Variants in RAVER1 observed in about 807,000 individuals in gnomAD.
RAVER1 encodes ribonucleoprotein PTB-binding 1.
RAVER1 carries 36 observed loss-of-function variants against 68.4 expected under a neutral mutation model. The observed-to-expected ratio is 0.53, with a 90% CI of 0.40 to 0.70. The LOEUF (loss-of-function observed/expected upper bound fraction) is 0.70, where lower values mean the gene tolerates loss of function less well. Ranked by LOEUF, RAVER1 falls within the 30% of genes least tolerant of loss-of-function variation. The probability of loss-of-function intolerance (pLI) is 0.00; values close to 1 mark genes in which losing one functional copy is unlikely to be tolerated. For synonymous variants in RAVER1, 469 were observed against 472.7 expected (o/e 0.99, Z 0.10); for missense variants, 933 against 1,019.8 (o/e 0.91, Z 1.16).
chr19:10,329,719 C>G lies in RAVER1; in HGVS notation c.287-608G>C, dbSNP rs556264728. Among the ~76,000 whole-genome samples, 31 of 152,306 alleles carry G rather than the reference C, an allele frequency of 2.0e-4. No homozygotes were observed. Among genetic ancestry groups the G allele is most frequent in the Non-Finnish European group, 2.2e-4 (15 of 68,028 alleles). On this transcript the variant is annotated intron_variant, in intron 2 of 12. Coordinates refer to ENST00000617231, the MANE Select transcript of RAVER1 (RefSeq NM_133452.3). This position sits in a 1 kb window ranked among gnomAD's most constrained non-coding sequence, Gnocchi z 4.6. ...CCCAGATTTGCGATCCACCCAGCGGCCGCAGGAAGCTTTGTTCAAAACGAT... is the reference window on the plus strand; with the variant it reads ...CCCAGATTTGCGATCCACCCAGCGGGCGCAGGAAGCTTTGTTCAAAACGAT...
At chr19:10,321,674 A>C in intron 6 of RAVER1, 56 bp from the exon 7 acceptor site, 1 of 1,331,144 alleles carries the variant, frequency 7.5e-7, no homozygotes, top group Admixed American at 3.0e-5. Context: ...AGGGAAGCAG[A>C]CAGGTGTGGC....
rs2040431744 is a variant in RAVER1 at position 10,320,895 on chromosome 19, C to T, written c.1530G>A (p.Leu510=). Residue 510 remains leucine (L), a synonymous_variant, in exon 9 of 13, where the codon CTG becomes CTA. Transcript: ENST00000617231. The stretch of plus-strand genomic sequence containing the variant: ...TGGCCGGGAGCAGGCTGTGTAGGTT[C>T]AGGTAGGGATTCAGGGGAATCCGGT... ...KDYRIPLNPY[L]NLHSLLPASN... The T allele has an allele frequency of 6.6e-7, 1 of 1,513,218 alleles. No homozygotes were observed. Among genetic ancestry groups the T allele is most frequent in the Non-Finnish European group, 8.8e-7 (1 of 1,136,590 alleles). 93.7% of individuals were successfully genotyped at this position (1,513,218 alleles called of 1,614,324 possible).
At position 10,328,644 on chromosome 19, in the gene RAVER1, G is replaced by A. The variant is rs1459810329; in HGVS notation, c.754C>T (p.Gln252Ter). 1 of 1,552,342 alleles carries A rather than the reference G, an allele frequency of 6.4e-7. No individual in the cohort carries two copies. Among genetic ancestry groups the A allele is most frequent in the Non-Finnish European group, 8.7e-7 (1 of 1,147,174 alleles). The change falls in exon 3 of 13, where the codon CAG becomes TAG. Residue 252 changes from glutamine to a stop codon, truncating the protein, a stop_gained and splice_region_variant. Coordinates refer to ENST00000617231, the MANE Select transcript of RAVER1 (RefSeq NM_133452.3). LOFTEE classifies it high-confidence loss of function. This position sits in a 1 kb window ranked among gnomAD's most constrained non-coding sequence, Gnocchi z 4.4. ...LSAVHSPTFC[Q>*]LACGQDGQLK... Reference sequence around the variant, plus strand: ...CCAATGCTCTCCACAGGGCTCACCTGGCAGAAGGTGGGGCTGTGGACAGCT... The same window carrying A: ...CCAATGCTCTCCACAGGGCTCACCTAGCAGAAGGTGGGGCTGTGGACAGCT...
rs144800844 is a variant in RAVER1 at position 10,329,474 on chromosome 19, G to A, written c.287-363C>T. 6.6e-6 allele frequency among the ~76,000 whole-genome samples: 1 copy of A among 152,130 alleles called. No individual in the cohort carries two copies. Among genetic ancestry groups the A allele is most frequent in the Non-Finnish European group, 1.5e-5 (1 of 68,028 alleles). On this transcript the variant is annotated intron_variant, in intron 2 of 12. Transcript: ENST00000617231. The surrounding 1 kb of genome is among the most constrained non-coding windows in gnomAD (Gnocchi z 4.6). ...GCCCCAAGCCCCAGGTGGCTTTGGG[G>A]GTATCAGTTTCCTCATCTCTCAAAT... is the stretch of plus-strand genomic sequence containing the variant.
intron 3 of RAVER1, among the ~76,000 whole-genome samples, chr19:10,324,392 TG>T (rs1472274335): frequency 1.3e-5 from 2 of 152,060 alleles, no homozygotes; most frequent in African/African-American, 4.8e-5. Flanking sequence ...TGTTTTGTTT[TG>T]TTTTTTTTGA....
At position 10,328,560 on chromosome 19, in the gene RAVER1, A is replaced by AT; in HGVS notation, c.756+81_756+82insA. 1 of 963,930 alleles carries AT rather than the reference A, an allele frequency of 1.0e-6. No individual in the cohort carries two copies. The highest frequency in any genetic ancestry group is 1.5e-6 in the Non-Finnish European group (1 of 660,910). 59.7% of individuals were successfully genotyped at this position (963,930 alleles called of 1,614,324 possible). A position where few individuals can be genotyped will look rare whatever the true frequency, so the allele number is the denominator to read the frequency against. Reference sequence around the variant, plus strand: ...AAGTGAGACTGTCTCAAAAAAAAAAAAGAAAAGGCAGATGACTCCAAAGAC... The same window carrying AT: ...AAGTGAGACTGTCTCAAAAAAAAAAATAGAAAAGGCAGATGACTCCAAAGAC... On this transcript the variant is annotated intron_variant, in intron 3 of 12. Transcript: ENST00000617231. This position sits in a 1 kb window ranked among gnomAD's most constrained non-coding sequence, Gnocchi z 4.4.
At position 10,332,912 on chromosome 19, in the gene RAVER1, C is replaced by G. The variant is rs368822571; in HGVS notation, c.219+377G>C. ...CTTCTGGATGTGAGGTCCCGCCACCCTGTGGTAGAGTGGGTGGAGAAAAGC... is the reference window on the plus strand; with the variant it reads ...CTTCTGGATGTGAGGTCCCGCCACCGTGTGGTAGAGTGGGTGGAGAAAAGC... On this transcript the variant is annotated intron_variant, in intron 1 of 12. Transcript: ENST00000617231. Among the ~76,000 whole-genome samples the G allele has an allele frequency of 5.3e-5, 8 of 152,302 alleles. No homozygotes were observed. The East Asian group carries it at 1.5e-3, about 29-fold the overall frequency.
chr19:10,319,335 TC>T, intron 9 of RAVER1, 95 bp from the exon 10 acceptor site: 1 of 1,247,662 alleles, frequency 8.0e-7, no homozygotes, highest in Non-Finnish European at 1.1e-6. Flanking sequence ...GGGAAGACAG[TC>T]CCCACCACTC....
intron 1 of RAVER1, among the ~76,000 whole-genome samples, chr19:10,332,426 C>G (rs948660629): frequency 3.3e-5 from 5 of 152,158 alleles, no homozygotes; most frequent in Non-Finnish European, 7.4e-5. Context: ...CAGAAAGAAA[C>G]CTGACCATCC....
At chr19:10,320,424 A>G (rs1358064849) in intron 9 of RAVER1, among the ~76,000 whole-genome samples, 1 of 149,964 alleles carries the variant, frequency 6.7e-6, no homozygotes, top group Non-Finnish European at 1.5e-5. Context: ...GGATCGCTTG[A>G]GCCCAAGAGG....
rs1436749925 is a variant in RAVER1, at chr19:10,328,829, T to C, written c.569A>G (p.Lys190Arg). The change falls in exon 3 of 13, where the codon AAG becomes AGG. Residue 190 changes from lysine to arginine, a missense_variant. Physicochemically the swap from Lys to Arg is conservative, Grantham distance 26. Coordinates refer to ENST00000617231, the MANE Select transcript of RAVER1 (RefSeq NM_133452.3). The surrounding 1 kb of genome is among the most constrained non-coding windows in gnomAD (Gnocchi z 4.4). Reference protein sequence around the residue: ...YMKKDSAARAKSDLLGKPLGP... With the variant: ...YMKKDSAARARSDLLGKPLGP... ...CAGCGGCTTGCCCAGCAGGTCCGAC[T>C]TGGCACGGGCAGCCGAGTCCTTCTT... The C allele has an allele frequency of 6.2e-7, 1 of 1,612,898 alleles. No homozygotes were observed. The highest frequency in any genetic ancestry group is 2.2e-5 in the East Asian group (1 of 44,890).
In RAVER1 at chr19:10,333,338, T is replaced by C. The variant is rs968691073; in HGVS notation, c.170A>G (p.Asn57Ser). 1.9e-6 allele frequency: 3 copies of C among 1,613,150 alleles called. No homozygotes were observed. The highest frequency in any genetic ancestry group is 1.3e-5 in the African/African-American group (1 of 74,894). The change falls in exon 1 of 13, where the codon AAC (asparagine) becomes AGC (serine). Residue 57 changes from asparagine (N) to serine (S), a missense_variant. Transcript: ENST00000617231. The surrounding 1 kb of genome is among the most constrained non-coding windows in gnomAD (Gnocchi z 4.2). ...RLEHTERQFR[N>S]RRKILIRGLP... ...GCCCCGGATCAGTATCTTGCGGCGG[T>C]TACGGAACTGGCGCTCGGTGTGTTC...
rs1022022610 is a variant in RAVER1 at position 10,317,835 on chromosome 19, GC to G, written c.1990-63del. ...GGGGGCCAGAGGAAGCACCCACCCC[GC>G]CCCCCTGCCACTGCCCCCCAGCCCT... is the stretch of plus-strand genomic sequence containing the variant. On this transcript the variant is annotated intron_variant, in intron 11 of 12. Coordinates refer to ENST00000617231, the MANE Select transcript of RAVER1 (RefSeq NM_133452.3). This position sits in a 1 kb window ranked among gnomAD's most constrained non-coding sequence, Gnocchi z 4.3. 9 of 938,254 alleles carry G rather than the reference GC, an allele frequency of 9.6e-6. No homozygotes were observed. The highest frequency in any genetic ancestry group is 1.5e-5 in the Non-Finnish European group (9 of 594,910). 58.1% of individuals were successfully genotyped at this position (938,254 alleles called of 1,614,324 possible). A position where few individuals can be genotyped will look rare whatever the true frequency, so the allele number is the denominator to read the frequency against.
intron 3 of RAVER1, among the ~76,000 whole-genome samples, chr19:10,325,542 A>G (rs999756480): frequency 6.6e-6 from 1 of 151,560 alleles, no homozygotes; most frequent in Non-Finnish European, 1.5e-5. Context: ...GGGTTTTACC[A>G]TGTTGGCCAG....
intron 7 of RAVER1, 106 bp downstream of exon 7, chr19:10,321,425 G>T: frequency 2.0e-6 from 2 of 1,015,388 alleles, no homozygotes; most frequent in Non-Finnish European, 1.3e-6. Flanking sequence ...CCAACTGATG[G>T]ACAAGGGCGC....
In RAVER1 at chr19:10,322,392, G is replaced by A; in HGVS notation, c.1173+253C>T. On this transcript the variant is annotated intron_variant, in intron 6 of 12. Coordinates refer to ENST00000617231, the MANE Select transcript of RAVER1 (RefSeq NM_133452.3). The surrounding 1 kb of genome is among the most constrained non-coding windows in gnomAD (Gnocchi z 4.3). Reference sequence around the variant, plus strand: ...GTAAATGGGCGTGTCCAGGTCCCCTGACCCCACCCCAGGCACCAAGTCCAG... The same window carrying A: ...GTAAATGGGCGTGTCCAGGTCCCCTAACCCCACCCCAGGCACCAAGTCCAG... 2.1e-6 allele frequency: 1 copy of A among 475,960 alleles called. No individual in the cohort carries two copies. The highest frequency in any genetic ancestry group is 3.2e-5 in the South Asian group (1 of 30,846). The allele number at this position is 475,960 out of a possible 1,614,324, so 29.5% of individuals were successfully genotyped here. A position where few individuals can be genotyped will look rare whatever the true frequency, so the allele number is the denominator to read the frequency against.
In RAVER1 at chr19:10,321,057, C is replaced by G; in HGVS notation, c.1464G>C (p.Thr488=). The G allele has an allele frequency of 7.2e-7, 1 of 1,381,920 alleles. No individual in the cohort carries two copies. The highest frequency in any genetic ancestry group is 9.4e-7 in the Non-Finnish European group (1 of 1,068,940). 85.6% of individuals were successfully genotyped at this position (1,381,920 alleles called of 1,614,324 possible). Residue 488 remains threonine (T), a synonymous_variant, in exon 8 of 13, where the codon ACG becomes ACC. Coordinates refer to ENST00000617231, the MANE Select transcript of RAVER1 (RefSeq NM_133452.3). Reference sequence around the variant, plus strand: ...CAGGGCAGGGCCTTACCCCAGGGGGCGTCGGCAGAGGCCCACTGTCTTTCT... The same window carrying G: ...CAGGGCAGGGCCTTACCCCAGGGGGGGTCGGCAGAGGCCCACTGTCTTTCT... The part of the protein sequence containing the change: ...GLQKDSGPLP[T]PPGVSLLGEP...
At position 10,320,545 on chromosome 19, in the gene RAVER1, G is replaced by A. The variant is rs1217742242; in HGVS notation, c.1770+110C>T. ...AAAAAGCAGAGACCATATCTGGCAC[G>A]TTCCCTGCCGCCTCCCTAGCACATG... is the stretch of plus-strand genomic sequence containing the variant. On this transcript the variant is annotated intron_variant, in intron 9 of 12. Coordinates refer to ENST00000617231, the MANE Select transcript of RAVER1 (RefSeq NM_133452.3). The A allele has an allele frequency of 1.1e-5, 9 of 812,160 alleles. No individual in the cohort carries two copies. The Admixed American group carries it at 2.1e-4, about 19-fold the overall frequency. The allele number at this position is 812,160 out of a possible 1,614,324, so 50.3% of individuals were successfully genotyped here.
At position 10,317,801 on chromosome 19, in the gene RAVER1, T is replaced by C; in HGVS notation, c.1990-28A>G. 1 of 1,390,458 alleles carries C rather than the reference T, an allele frequency of 7.2e-7. No homozygotes were observed. Among genetic ancestry groups the C allele is most frequent in the Non-Finnish European group, 1.0e-6 (1 of 996,768 alleles). The allele number at this position is 1,390,458 out of a possible 1,614,324, so 86.1% of individuals were successfully genotyped here. ...GGGAGAAATGGAGAGGTGGAACAGG[T>C]CACTCCCTGGGGGCCAGAGGAAGCA... On this transcript the variant is annotated intron_variant, in intron 11 of 12. Transcript: ENST00000617231. The surrounding 1 kb of genome is among the most constrained non-coding windows in gnomAD (Gnocchi z 4.3).
Sources: allele counts gnomAD v4.1 joint callset (sites outside exome capture counted in the v4.1 genomes callset), GRCh38; gene constraint gnomAD v4.1.1; non-coding constraint Gnocchi (gnomAD v3.1); transcripts MANE v1.5; gene names NCBI Gene and HGNC (gene_info 2026-07-23, HGNC 2026-07-21).